The following COL28A1 variants were observed in gnomAD, a reference collection of about 807,000 sequenced individuals.
The protein encoded by COL28A1 is collagen alpha-1(XXVIII) chain.
Under a neutral mutation model 150.2 loss-of-function variants are expected in COL28A1, and 161 were observed. The ratio of observed to expected loss-of-function variants is 1.07; its 90% CI spans 0.94 to 1.22. The LOEUF (loss-of-function observed/expected upper bound fraction) is 1.22, where lower values mean the gene tolerates loss of function less well. Among genes scored for constraint, COL28A1 ranks in the 50% most tolerant of loss-of-function variants. The pLI, the probability that COL28A1 is intolerant of heterozygous loss-of-function variation, is 0.00. For missense variants in COL28A1, 1,617 were observed against 1,388.3 expected, an observed-to-expected ratio of 1.16 and a Z score of -2.62; for synonymous variants, 552 against 469.7, an observed-to-expected ratio of 1.18 and a Z score of -2.26.
intron 3 of COL28A1, among the ~76,000 whole-genome samples, chr7:7,531,130 A>G (rs2881889): frequency 0.95 from 145,333 of 152,264 alleles, 69,402 homozygotes; most frequent in East Asian, 1. Flanking sequence ...ATAAAGTTAA[A>G]AATGCAATTC....
At chr7:7,360,997 A>G (rs1661270175) in intron 33 of COL28A1, among the ~76,000 whole-genome samples, 1 of 152,238 alleles carries the variant, frequency 6.6e-6, no homozygotes. Context: ...CCATGAACTC[A>G]GTCAATTTTG....
At chr7:7,386,762 G>A (rs944385397) in intron 27 of COL28A1, among the ~76,000 whole-genome samples, 9 of 152,112 alleles carry the variant, frequency 5.9e-5, no homozygotes, top group Non-Finnish European at 1.0e-4. Context: ...CTTCCCTTGT[G>A]GTGCTAGCCT....
chr7:7,355,455 C>A (rs1259256854), downstream of COL28A1, among the ~76,000 whole-genome samples: 3 of 151,900 alleles, frequency 2.0e-5, no homozygotes, highest in African/African-American at 7.3e-5. Flanking sequence ...ACTAAAAATA[C>A]AAAAGTTAGC....
chr7:7,524,668 T>A (rs139572698), intron 3 of COL28A1, among the ~76,000 whole-genome samples: 78 of 152,340 alleles, frequency 5.1e-4, no homozygotes, highest in Non-Finnish European at 9.4e-4. Context: ...TATACATGCA[T>A]CTATTTTTCA....
intron 18 of COL28A1, among the ~76,000 whole-genome samples, chr7:7,451,888 G>T (rs76070793): frequency 0.024 from 3,594 of 152,054 alleles, 112 homozygotes; most frequent in African/African-American, 0.075. Context: ...TCAAATGCTC[G>T]TAAGAATATG....
chr7:7,359,420 C>A (rs968059201), intron 34 of COL28A1, among the ~76,000 whole-genome samples: 3 of 152,132 alleles, frequency 2.0e-5, no homozygotes, highest in Non-Finnish European at 4.4e-5. Flanking sequence ...TAGAAATACA[C>A]CTACTATAAG....
At chr7:7,342,416 T>C in the COL28A1 span, among the ~76,000 whole-genome samples, 3 of 152,132 alleles carry the variant, frequency 2.0e-5, no homozygotes, top group Non-Finnish European at 4.4e-5. Flanking sequence ...ATGCTTGGTC[T>C]GAATACATTT....
chr7:7,350,575 G>C, the COL28A1 span, among the ~76,000 whole-genome samples: 19 of 151,514 alleles, frequency 1.3e-4, no homozygotes, highest in Non-Finnish European at 1.3e-4. Flanking sequence ...TTAAAGATGA[G>C]ATAATTACTT....
chr7:7,394,788 T>A (rs1440558038), intron 27 of COL28A1, among the ~76,000 whole-genome samples: 1 of 152,230 alleles, frequency 6.6e-6, no homozygotes, highest in Admixed American at 6.5e-5. Flanking sequence ...CTGTTTGAGT[T>A]CATGCCTTCC....
At chr7:7,514,848 C>T (rs1781334119) in intron 8 of COL28A1, among the ~76,000 whole-genome samples, 1 of 152,134 alleles carries the variant, frequency 6.6e-6, no homozygotes, top group Non-Finnish European at 1.5e-5. Context: ...CATGACCTCT[C>T]CTGCCCCAAC....
chr7:7,448,680 T>C (rs1347808983), intron 18 of COL28A1, among the ~76,000 whole-genome samples: 1 of 151,590 alleles, frequency 6.6e-6, no homozygotes, highest in Non-Finnish European at 1.5e-5. Context: ...TTATTTATAA[T>C]ATTCCAAATC....
intron 33 of COL28A1, among the ~76,000 whole-genome samples, chr7:7,368,523 C>T (rs1388424028): frequency 6.6e-6 from 1 of 152,102 alleles, no homozygotes; most frequent in Admixed American, 6.5e-5. Context: ...TTATGTCCCT[C>T]CAAAAATCAT....
intron 16 of COL28A1, among the ~76,000 whole-genome samples, chr7:7,455,527 T>TA (rs1203529068): frequency 2.2e-3 from 331 of 152,312 alleles, no homozygotes; most frequent in African/African-American, 7.4e-3. Context: ...TATCTGTGTT[T>TA]TGCTTCTATT....
chr7:7,528,278 T>C (rs1319233709), intron 3 of COL28A1, among the ~76,000 whole-genome samples: 1 of 152,194 alleles, frequency 6.6e-6, no homozygotes, highest in African/African-American at 2.4e-5. Flanking sequence ...CCAAGTAATA[T>C]ATCCAGGACT....
rs1022699983 is a variant in COL28A1 at position 7,479,944 on chromosome 7, G to T, written c.1165-2764C>A. On this transcript the variant is annotated intron_variant, in intron 13 of 34. Transcript: ENST00000399429. ...AACAAGAATCTTAGAAGAAGAAAAT[G>T]AAGCTTTTCCTCTGATGAATCTAAA... Among the ~76,000 whole-genome samples, 4 of 152,330 alleles carry T rather than the reference G, an allele frequency of 2.6e-5. No individual in the cohort carries two copies. In the East Asian group the frequency reaches 5.8e-4, roughly 22 times the overall value.
In COL28A1 at chr7:7,444,459, G is replaced by A. The variant is rs534493444; in HGVS notation, c.1540C>T (p.Gln514Ter). 3.7e-6 allele frequency: 6 copies of A among 1,613,896 alleles called. No homozygotes were observed. Among genetic ancestry groups the A allele is most frequent in the African/African-American group, 1.3e-5 (1 of 74,948 alleles). The change falls in exon 19 of 35, where the codon CAA (glutamine) becomes TAA (stop). Residue 514 changes from glutamine to a stop codon, truncating the protein, a stop_gained. Coordinates refer to ENST00000399429, the MANE Select transcript of COL28A1 (RefSeq NM_001037763.3). LOFTEE classifies it high-confidence loss of function. ...CCATCTTCTCCTGGTACTCCTGGTT[G>A]TCCTGGGAGCCCTATTGAGCCTGGC... is the stretch of plus-strand genomic sequence containing the variant. ...GEPGSIGLPG[Q>*]PGVPGEDGAA...
At chr7:7,360,557 T>C (rs1780598595) in intron 33 of COL28A1, 29 bp from the exon 34 acceptor site, 1 of 1,577,322 alleles carries the variant, frequency 6.3e-7, no homozygotes, top group East Asian at 2.3e-5. Flanking sequence ...ATTTTGTGTT[T>C]CTGATAATAT....
chr7:7,379,527 TTCTC>T (rs1781749143), intron 30 of COL28A1, among the ~76,000 whole-genome samples: 1 of 152,128 alleles, frequency 6.6e-6, no homozygotes, highest in Non-Finnish European at 1.5e-5. Context: ...TTTGTTGTCT[TTCTC>T]TCCACCAGGC....
At chr7:7,455,887 C>A (rs1346222205) in intron 16 of COL28A1, among the ~76,000 whole-genome samples, 157 bp downstream of exon 16, 1 of 152,178 alleles carries the variant, frequency 6.6e-6, no homozygotes, top group Admixed American at 6.5e-5. Flanking sequence ...TCTCATGAAA[C>A]CATCTTATCC....
Sources: allele counts gnomAD v4.1 joint callset (sites outside exome capture counted in the v4.1 genomes callset), GRCh38; gene constraint gnomAD v4.1.1; transcripts MANE v1.5; gene names NCBI Gene and HGNC (gene_info 2026-07-23, HGNC 2026-07-21).